NOA1: variants seen among roughly 807,000 people sequenced by gnomAD.
NOA1 encodes the protein nitric oxide associated 1.
In NOA1, 35 loss-of-function variants were observed where a neutral mutation model predicts 58.4. The ratio of observed to expected loss-of-function variants is 0.60; its 90% CI spans 0.46 to 0.79. The LOEUF (loss-of-function observed/expected upper bound fraction) is 0.79. NOA1 is among the 30% of genes least tolerant of loss of function. The pLI is 0.00. For synonymous variants in NOA1, 397 were observed against 373.4 expected (o/e 1.06, Z -0.73); for missense variants, 895 against 894.6 (o/e 1.00, Z -0.01).
At position 56,966,728 on chromosome 4, in the gene NOA1, C is replaced by A. The variant is rs1443547858; in HGVS notation, c.1656G>T (p.Gln552His). 1 of 1,607,890 alleles carries A rather than the reference C, an allele frequency of 6.2e-7. No individual in the cohort carries two copies. The highest frequency in any genetic ancestry group is 1.3e-5 in the African/African-American group (1 of 74,850). ...IGRIDFLQGNQSAWFTVVASN... is the reference protein window; with the variant it reads ...IGRIDFLQGNHSAWFTVVASN... ...AAGCCACGACTGTAAACCAAGCTGA[C>A]TGATTTCCCTTAAGAAAGGAAGAAG... is the stretch of plus-strand genomic sequence containing the variant. The change falls in exon 5 of 7, where the codon CAG (glutamine) becomes CAT (histidine). Residue 552 changes from glutamine (Q) to histidine (H), a missense_variant. By Grantham distance (24) the Gln-to-His change is conservative. Around this residue, in one of 3 missense-constraint regions of NOA1, gnomAD observed 212 missense variants for 221.3 expected, o/e 0.96. Coordinates refer to ENST00000264230, the MANE Select transcript of NOA1 (RefSeq NM_032313.4).
In NOA1 at chr4:56,963,409, G is replaced by T; in HGVS notation, c.*41C>A. On this transcript the variant is annotated 3_prime_UTR_variant, in exon 7 of 7. Coordinates refer to ENST00000264230, the MANE Select transcript of NOA1 (RefSeq NM_032313.4). ...TAATACAAATTCAATGTATTTTGTT[G>T]TGTTCAATACAGTTAATATCTGGAG... 7.1e-7 allele frequency: 1 copy of T among 1,407,038 alleles called. No individual in the cohort carries two copies. The highest frequency in any genetic ancestry group is 1.0e-6 in the Non-Finnish European group (1 of 994,170). The allele number at this position is 1,407,038 out of a possible 1,614,324, so 87.2% of individuals were successfully genotyped here.
intron 1 of NOA1, among the ~76,000 whole-genome samples, chr4:56,975,393 G>A (rs1172545044): frequency 6.7e-6 from 1 of 149,862 alleles, no homozygotes; most frequent in African/African-American, 2.5e-5. Flanking sequence ...CACTTTGGGA[G>A]GACGAGGTGG....
intron 4 of NOA1, among the ~76,000 whole-genome samples, chr4:56,967,392 C>CCA (rs1721733900): frequency 7.7e-6 from 1 of 130,184 alleles, no homozygotes; most frequent in Admixed American, 7.5e-5. Context: ...AAAAAAAAAA[C>CCA]AAAAAAACAA....
chr4:56,977,113 T>C lies in NOA1; in HGVS notation c.473A>G (p.Tyr158Cys), dbSNP rs767448102. Reference protein sequence around the residue: ...LHCQDAGVPGYLPREKFLRTA... With the variant: ...LHCQDAGVPGCLPREKFLRTA... ...GCGGAGGAACTTCTCTCGGGGCAGG[T>C]AGCCGGGCACTCCGGCGTCCTGGCA... The change falls in exon 1 of 7, where the codon TAC (tyrosine) becomes TGC (cysteine). Residue 158 changes from tyrosine (Y) to cysteine (C), a missense_variant. Tyr to Cys is a radical substitution (Grantham distance 194). This residue lies in a region of NOA1 where 680 missense variants were observed against 656.5 expected (regional missense o/e 1.04). Coordinates refer to ENST00000264230, the MANE Select transcript of NOA1 (RefSeq NM_032313.4). 6.4e-7 allele frequency: 1 copy of C among 1,560,398 alleles called. No individual in the cohort carries two copies. Among genetic ancestry groups the C allele is most frequent in the East Asian group, 2.4e-5 (1 of 42,400 alleles).
At chr4:56,965,853 T>TA (rs1023738985) in intron 5 of NOA1, among the ~76,000 whole-genome samples, 4 of 148,266 alleles carry the variant, frequency 2.7e-5, no homozygotes, top group African/African-American at 5.0e-5. Context: ...TTTTTTTTTT[T>TA]AGAGACAGGG....
intron 1 of NOA1, 57 bp from the exon 2 acceptor site, chr4:56,974,079 A>ATACG: frequency 9.1e-7 from 1 of 1,095,586 alleles, no homozygotes; most frequent in Non-Finnish European, 1.2e-6. Context: ...GAAGAAAATG[A>ATACG]ACATTTTTGA....
In NOA1 at chr4:56,976,413, A is replaced by G. The variant is rs761835006; in HGVS notation, c.1144+29T>C. ...GACCAGACGTCCACCTTGCCAGGAA[A>G]CGAAGAGGGCGAGCCTCCTAAAACT... On this transcript the variant is annotated intron_variant, in intron 1 of 6. Coordinates refer to ENST00000264230, the MANE Select transcript of NOA1 (RefSeq NM_032313.4). 4 of 1,586,014 alleles carry G rather than the reference A, an allele frequency of 2.5e-6. No individual in the cohort carries two copies. The African/African-American group carries it at 5.4e-5, about 21-fold the overall frequency.
chr4:56,965,086 G>A (rs1047118858), intron 5 of NOA1, among the ~76,000 whole-genome samples: 2 of 151,488 alleles, frequency 1.3e-5, no homozygotes, highest in African/African-American at 4.9e-5. Flanking sequence ...TGCAACCTCC[G>A]CCTCCAAGGC....
Position 56,974,017 on chromosome 4 carries a change from T to C in NOA1, c.1150A>G (p.Thr384Ala). The C allele has an allele frequency of 1.9e-6, 3 of 1,610,046 alleles. No homozygotes were observed. In the South Asian group the frequency reaches 3.3e-5, roughly 18 times the overall value. ...RATISPWPGT[T>A]LNLLKFPICN... ...ATAGGAAACTTCAGAAGGTTTAATG[T>C]AGTACCTGAAATACACAGAATAAAT... The change falls in exon 2 of 7, where the codon ACA becomes GCA. Residue 384 changes from threonine to alanine, a missense_variant. Physicochemically the swap from Thr to Ala is moderately conservative, Grantham distance 58. Coordinates refer to ENST00000264230, the MANE Select transcript of NOA1 (RefSeq NM_032313.4).
At position 56,976,852 on chromosome 4, in the gene NOA1, A is replaced by G. The variant is rs752469773; in HGVS notation, c.734T>C (p.Val245Ala). The change falls in exon 1 of 7, where the codon GTG becomes GCG. Residue 245 changes from valine to alanine, a missense_variant. By Grantham distance (64) the Val-to-Ala change is moderately conservative. Coordinates refer to ENST00000264230, the MANE Select transcript of NOA1 (RefSeq NM_032313.4). ...CAGGAGGTCCACTTTGTTTCCCAGCACGATCAGCTGCTTGGGGCCCACCAG... is the reference window on the plus strand; with the variant it reads ...CAGGAGGTCCACTTTGTTTCCCAGCGCGATCAGCTGCTTGGGGCCCACCAG... ...PALVGPKQLI[V>A]LGNKVDLLPQ... The G allele has an allele frequency of 6.2e-7, 1 of 1,613,094 alleles. No individual in the cohort carries two copies. Among genetic ancestry groups the G allele is most frequent in the South Asian group, 1.1e-5 (1 of 91,080 alleles).
rs1398753176 is a variant in NOA1 at position 56,977,199 on chromosome 4, G to A, written c.387C>T (p.His129=). The A allele has an allele frequency of 5.7e-6, 9 of 1,569,182 alleles. No homozygotes were observed. Among genetic ancestry groups the A allele is most frequent in the Non-Finnish European group, 6.0e-6 (7 of 1,160,530 alleles). ...CGCTGGGCGGCAATGCCGGGTCCGG[G>A]TGCCCCACGACCGGGTGCTCCCGGG... ...ARSREHPVVG[H]PDPALPPSGV... is the part of the protein sequence containing the mutation. Residue 129 remains histidine (H), a synonymous_variant, in exon 1 of 7, where the codon CAC becomes CAT. Coordinates refer to ENST00000264230, the MANE Select transcript of NOA1 (RefSeq NM_032313.4).
chr4:56,966,689 A>G lies in NOA1; in HGVS notation c.1695T>C (p.Pro565=), dbSNP rs895310591. Residue 565 remains proline (P), a synonymous_variant, in exon 5 of 7, where the codon CCT becomes CCC. Coordinates refer to ENST00000264230, the MANE Select transcript of NOA1 (RefSeq NM_032313.4). ...WFTVVASNIL[P]VHITSLDRAD... ...CCCTGTCCAAGGAGGTGATATGCAC[A>G]GGGAGGATGTTGGAAGCCACGACTG... 1 of 1,613,958 alleles carries G rather than the reference A, an allele frequency of 6.2e-7. No individual in the cohort carries two copies. The highest frequency in any genetic ancestry group is 8.5e-7 in the Non-Finnish European group (1 of 1,179,872).
intron 6 of NOA1, 35 bp downstream of exon 6, chr4:56,964,371 A>G (rs780179685): frequency 4.3e-6 from 7 of 1,612,874 alleles, no homozygotes; most frequent in African/African-American, 1.3e-5. Flanking sequence ...CTGCCCTTTT[A>G]TTCACTTTTT....
At chr4:56,966,272 G>A (rs1445377550) in intron 5 of NOA1, among the ~76,000 whole-genome samples, 1 of 152,072 alleles carries the variant, frequency 6.6e-6, no homozygotes, top group Non-Finnish European at 1.5e-5. Context: ...TGATCCATCT[G>A]CCTTGGCCTC....
chr4:56,964,310 G>A (rs551525170), intron 6 of NOA1, 96 bp downstream of exon 6: 25 of 1,436,488 alleles, frequency 1.7e-5, no homozygotes, highest in East Asian at 4.7e-5. Context: ...CAGGTGATCC[G>A]CCCACCTCGG....
rs539186792 is a variant in NOA1 at position 56,973,214 on chromosome 4, C to T, written c.1449G>A (p.Leu483=). Residue 483 remains leucine (L), a synonymous_variant, in exon 3 of 7, where the codon TTG becomes TTA. Transcript: ENST00000264230. The stretch of plus-strand genomic sequence containing the variant: ...GGGCATCTTTCACATCTTGTGCAGT[C>T]AATTCTACTTGTTTGGTGGATTTGT... ...GTHKSTKQVE[L]TAQDVKDAHW... is the part of the protein sequence containing the mutation. 14 of 1,614,110 alleles carry T rather than the reference C, an allele frequency of 8.7e-6. No individual in the cohort carries two copies. The South Asian group carries it at 1.3e-4, about 15-fold the overall frequency.
intron 1 of NOA1, 60 bp from the exon 2 acceptor site, chr4:56,974,082 A>C: frequency 1.9e-6 from 2 of 1,070,714 alleles, no homozygotes; most frequent in Non-Finnish European, 2.6e-6. Flanking sequence ...GAAAATGAAC[A>C]TTTTTGAGGA....
At position 56,968,534 on chromosome 4, in the gene NOA1, A is replaced by C. The variant is rs74602608; in HGVS notation, c.1516-19T>G. 21 of 1,524,166 alleles carry C rather than the reference A, an allele frequency of 1.4e-5. No homozygotes were observed. In the East Asian group the frequency reaches 2.9e-4, roughly 21 times the overall value. The allele number at this position is 1,524,166 out of a possible 1,614,324, so 94.4% of individuals were successfully genotyped here. On this transcript the variant is annotated intron_variant, in intron 3 of 6. Coordinates refer to ENST00000264230, the MANE Select transcript of NOA1 (RefSeq NM_032313.4). ...TTAAAATCTGTGAAGCAAATGGCAGATTTTTAAGAAAATACTTTTATTGAA... is the reference window on the plus strand; with the variant it reads ...TTAAAATCTGTGAAGCAAATGGCAGCTTTTTAAGAAAATACTTTTATTGAA...
Position 56,977,207 on chromosome 4 carries a change from C to T in NOA1, c.379G>A (p.Val127Met). 6.4e-7 allele frequency: 1 copy of T among 1,572,676 alleles called. No homozygotes were observed. Among genetic ancestry groups the T allele is most frequent in the Non-Finnish European group, 8.6e-7 (1 of 1,161,840 alleles). Residue 127 changes from valine to methionine, a missense_variant, in exon 1 of 7, where the codon GTG becomes ATG. Transcript: ENST00000264230. ...LRARSREHPV[V>M]GHPDPALPPS... ...GGCAATGCCGGGTCCGGGTGCCCCA[C>T]GACCGGGTGCTCCCGGGACCTGGCC...
Sources: allele counts gnomAD v4.1 joint callset (sites outside exome capture counted in the v4.1 genomes callset), GRCh38; gene constraint gnomAD v4.1.1; regional missense constraint gnomAD v4.1.1; transcripts MANE v1.5; gene names NCBI Gene and HGNC (gene_info 2026-07-23, HGNC 2026-07-21).